Variants in CRYBG1 observed in about 807,000 individuals in gnomAD.
The protein encoded by CRYBG1 is beta/gamma crystallin domain-containing protein 1.
In CRYBG1, 139 loss-of-function variants were observed where a neutral mutation model predicts 189.2. That is an observed-to-expected ratio of 0.73 (90% CI 0.64 to 0.85). The LOEUF (loss-of-function observed/expected upper bound fraction) is 0.85. Ranked by LOEUF, CRYBG1 falls within the 40% of genes least tolerant of loss-of-function variation. The pLI, the probability that CRYBG1 is intolerant of heterozygous loss-of-function variation, is 0.00. For missense variants in CRYBG1, 2,611 were observed against 2,675.8 expected (o/e 0.98, Z 0.53); for synonymous variants, 1,023 against 1,017.1 (o/e 1.01, Z -0.11).
chr6:106,374,344 A>G (rs1770104459), intron 1 of CRYBG1, among the ~76,000 whole-genome samples: 1 of 152,178 alleles, frequency 6.6e-6, no homozygotes, highest in Admixed American at 6.5e-5. Context: ...GCTTGAAGCC[A>G]GGAGTTGGAG....
chr6:106,556,527 G>T (rs1210740329), intron 17 of CRYBG1, among the ~76,000 whole-genome samples: 1 of 152,172 alleles, frequency 6.6e-6, no homozygotes, highest in Non-Finnish European at 1.5e-5. Flanking sequence ...ACTTCTCCCA[G>T]TTTGCCACTA....
chr6:106,460,581 T>A (rs531596353), intron 2 of CRYBG1, among the ~76,000 whole-genome samples: 1 of 152,218 alleles, frequency 6.6e-6, no homozygotes, highest in East Asian at 1.9e-4. Context: ...AAAATTGTAA[T>A]GAGAAACCCA....
At chr6:106,534,244 G>A (rs1773939359) in intron 8 of CRYBG1, among the ~76,000 whole-genome samples, 1 of 152,204 alleles carries the variant, frequency 6.6e-6, no homozygotes, top group Non-Finnish European at 1.5e-5. Context: ...TTTGCAGTAA[G>A]TTTAGCTTTG....
chr6:106,560,187 A>C (rs1033557941), intron 18 of CRYBG1, among the ~76,000 whole-genome samples: 1 of 152,190 alleles, frequency 6.6e-6, no homozygotes, highest in African/African-American at 2.4e-5. Context: ...GATGACTAAA[A>C]TGATAAAATT....
At chr6:106,536,700 T>C (rs1774011368) in intron 8 of CRYBG1, among the ~76,000 whole-genome samples, 1 of 152,258 alleles carries the variant, frequency 6.6e-6, no homozygotes, top group Non-Finnish European at 1.5e-5. Context: ...GGTATACATT[T>C]GTTTGTTTAA....
intron 2 of CRYBG1, among the ~76,000 whole-genome samples, chr6:106,475,102 G>C (rs1772309443): frequency 1.3e-5 from 2 of 152,124 alleles, no homozygotes; most frequent in South Asian, 4.1e-4. Context: ...TCTACCTAAA[G>C]ATATATTCCA....
intron 2 of CRYBG1, among the ~76,000 whole-genome samples, chr6:106,459,229 A>G (rs923661155): frequency 6.6e-6 from 1 of 152,202 alleles, no homozygotes; most frequent in Non-Finnish European, 1.5e-5. Flanking sequence ...GGCACTGACT[A>G]TGGGTGCTCT....
chr6:106,383,297 TAA>T (rs1393770002), intron 1 of CRYBG1, among the ~76,000 whole-genome samples: 1 of 152,184 alleles, frequency 6.6e-6, no homozygotes, highest in Non-Finnish European at 1.5e-5. Flanking sequence ...AAGTAGTCGT[TAA>T]AGTTTGAGAA....
At position 106,561,514 on chromosome 6, in the gene CRYBG1, T is replaced by C. The variant is rs752559089; in HGVS notation, c.6138+14T>C. ...ATCAAATGCAGGGTGAGCTTTAGGA[T>C]TCCACGGGGGCCTGTGATGGCTTTG... On this transcript the variant is annotated intron_variant, in intron 20 of 21. Transcript: ENST00000633556. 1.2e-6 allele frequency: 2 copies of C among 1,608,990 alleles called. No homozygotes were observed. The highest frequency in any genetic ancestry group is 1.7e-6 in the Non-Finnish European group (2 of 1,176,694).
intron 1 of CRYBG1, among the ~76,000 whole-genome samples, chr6:106,424,535 C>G (rs970332236): frequency 6.6e-6 from 1 of 152,096 alleles, no homozygotes; most frequent in African/African-American, 2.4e-5. Context: ...AATCTCAGCT[C>G]ACTGCAACCT....
rs1771735198 is a variant in CRYBG1 at position 106,449,471 on chromosome 6, T to A, written c.174-2223T>A. On this transcript the variant is annotated intron_variant, in intron 1 of 21. Transcript: ENST00000633556. ...TGGTTAGTACTTGAATGGCTGACAATGTGTAAGTCCACAGCAGTTGGAATA... is the reference window on the plus strand; with the variant it reads ...TGGTTAGTACTTGAATGGCTGACAAAGTGTAAGTCCACAGCAGTTGGAATA... The A allele has an allele frequency of 2.0e-5, 3 of 152,356 alleles. No individual in the cohort carries two copies. In the South Asian group the frequency reaches 6.2e-4, roughly 32 times the overall value. 9.4% of individuals were successfully genotyped at this position (152,356 alleles called of 1,614,324 possible).
chr6:106,450,820 C>CAG (rs1429317047), intron 1 of CRYBG1, among the ~76,000 whole-genome samples: 1 of 152,224 alleles, frequency 6.6e-6, no homozygotes, highest in Non-Finnish European at 1.5e-5. Flanking sequence ...ATTTCTTCAG[C>CAG]AGACGCCTCT....
chr6:106,453,376 T>C (rs1236029377), intron 2 of CRYBG1, among the ~76,000 whole-genome samples: 1 of 152,210 alleles, frequency 6.6e-6, no homozygotes, highest in African/African-American at 2.4e-5. Flanking sequence ...ATAAAACATT[T>C]TATAAGATAT....
intron 1 of CRYBG1, among the ~76,000 whole-genome samples, chr6:106,363,364 G>A (rs2749085): frequency 0.88 from 133,233 of 151,974 alleles, 58,558 homozygotes; most frequent in Non-Finnish European, 0.9. Context: ...GATGAACTTC[G>A]TATTAATAAA....
At chr6:106,568,376 T>G in intron 21 of CRYBG1, 96 bp from the exon 22 acceptor site, 1 of 959,006 alleles carries the variant, frequency 1.0e-6, no homozygotes, top group Non-Finnish European at 1.6e-6. Context: ...CTTGTTTACT[T>G]GCTTACTTTT....
intron 1 of CRYBG1, among the ~76,000 whole-genome samples, chr6:106,396,217 TA>T: frequency 6.6e-6 from 1 of 152,366 alleles, no homozygotes; most frequent in East Asian, 1.9e-4. Flanking sequence ...CTATGAATTT[TA>T]ATTTATTATG....
At chr6:106,446,280 C>T (rs982882596) in intron 1 of CRYBG1, among the ~76,000 whole-genome samples, 6 of 152,210 alleles carry the variant, frequency 3.9e-5, no homozygotes, top group African/African-American at 1.4e-4. Context: ...TTTTCTCCTT[C>T]CTTTGTGGCC....
rs577843560 is a variant in CRYBG1, at chr6:106,512,121, C to T, written c.1004C>T (p.Pro335Leu). 22 of 1,534,404 alleles carry T rather than the reference C, an allele frequency of 1.4e-5. No homozygotes were observed. Among genetic ancestry groups the T allele is most frequent in the African/African-American group, 1.4e-4 (10 of 73,114 alleles). Residue 335 changes from proline (P) to leucine (L), a missense_variant, in exon 3 of 22, where the codon CCC (proline) becomes CTC (leucine). Transcript: ENST00000633556. ...SLGPRNARSQPPKGASDLPGE... is the reference protein window; with the variant it reads ...SLGPRNARSQLPKGASDLPGE... ...GGGCCCCGCAACGCCCGCAGCCAGC[C>T]CCCCAAGGGCGCGTCTGATTTGCCA... is the stretch of plus-strand genomic sequence containing the variant.
intron 10 of CRYBG1, among the ~76,000 whole-genome samples, chr6:106,542,121 C>G (rs1582828179): frequency 6.8e-6 from 1 of 146,610 alleles, no homozygotes; most frequent in South Asian, 2.2e-4. Flanking sequence ...TTTATATATA[C>G]ATATATATGT....
Sources: allele counts gnomAD v4.1 joint callset (sites outside exome capture counted in the v4.1 genomes callset), GRCh38; gene constraint gnomAD v4.1.1; transcripts MANE v1.5; gene names NCBI Gene and HGNC (gene_info 2026-07-23, HGNC 2026-07-21).